ADGRV1: variants seen among roughly 807,000 people sequenced by gnomAD.
ADGRV1 encodes the protein adhesion G protein-coupled receptor V1, also known as G-protein coupled receptor 98.
ADGRV1 carries 359 observed loss-of-function variants against 596.2 expected under a neutral mutation model. The ratio of observed to expected loss-of-function variants is 0.60; its 90% CI spans 0.55 to 0.66. ADGRV1 has a LOEUF of 0.66. Among genes scored for constraint, ADGRV1 ranks in the 30% least tolerant of loss-of-function variants. The pLI, the probability that ADGRV1 is intolerant of heterozygous loss-of-function variation, is 0.00. For synonymous variants in ADGRV1, 2,681 were observed against 2,679.2 expected (o/e 1.00, Z -0.02); for missense variants, 7,274 against 7,575.6 (o/e 0.96, Z 1.48).
intron 84 of ADGRV1, among the ~76,000 whole-genome samples, chr5:90,972,174 G>C (rs1022479179): frequency 5.3e-5 from 8 of 152,148 alleles, no homozygotes; most frequent in Middle Eastern, 6.8e-3. Flanking sequence ...TATATGCACC[G>C]AATACAGGAG....
At chr5:91,058,787 C>G (rs754713435) in intron 85 of ADGRV1, among the ~76,000 whole-genome samples, 7 of 152,158 alleles carry the variant, frequency 4.6e-5, no homozygotes, top group Non-Finnish European at 1.0e-4. Context: ...AGTTTTCCTC[C>G]TTCCCCTCAT....
intron 70 of ADGRV1, among the ~76,000 whole-genome samples, chr5:90,794,638 T>A (rs1430388654): frequency 6.6e-6 from 1 of 152,118 alleles, no homozygotes; most frequent in African/African-American, 2.4e-5. Flanking sequence ...GTACCATAAA[T>A]CGTTTCTGTT....
chr5:90,757,825 A>T (rs527522921), intron 57 of ADGRV1, among the ~76,000 whole-genome samples: 1 of 152,228 alleles, frequency 6.6e-6, no homozygotes, highest in Non-Finnish European at 1.5e-5. Flanking sequence ...ATGAACAACC[A>T]TGAAAATGTT....
At chr5:90,690,685 C>T in intron 30 of ADGRV1, 112 bp from the exon 31 acceptor site, 1 of 1,084,108 alleles carries the variant, frequency 9.2e-7, no homozygotes, top group Non-Finnish European at 1.3e-6. Flanking sequence ...TGGGTTATAG[C>T]TACTTAGATT....
At chr5:90,685,422 A>C (rs542414851) in intron 28 of ADGRV1, among the ~76,000 whole-genome samples, 1 of 151,984 alleles carries the variant, frequency 6.6e-6, no homozygotes, top group African/African-American at 2.4e-5. Context: ...ATCTCTACTA[A>C]AATATAAAAG....
At chr5:90,894,385 A>G (rs1771104951) in intron 83 of ADGRV1, among the ~76,000 whole-genome samples, 1 of 152,134 alleles carries the variant, frequency 6.6e-6, no homozygotes, top group African/African-American at 2.4e-5. Flanking sequence ...GCAGAATTGG[A>G]TGTAATTTTA....
At chr5:90,857,135 C>T (rs1162377918) in intron 82 of ADGRV1, among the ~76,000 whole-genome samples, 1 of 152,014 alleles carries the variant, frequency 6.6e-6, no homozygotes, top group Non-Finnish European at 1.5e-5. Context: ...TAATATCTTT[C>T]ATAAAGGATG....
At chr5:90,600,623 A>C (rs1016738471) in intron 1 of ADGRV1, among the ~76,000 whole-genome samples, 1 of 152,226 alleles carries the variant, frequency 6.6e-6, no homozygotes, top group Admixed American at 6.5e-5. Context: ...GTACATGTGC[A>C]TGTGTCTTTA....
intron 85 of ADGRV1, among the ~76,000 whole-genome samples, chr5:91,010,998 T>G (rs1228667966): frequency 2.0e-5 from 3 of 151,974 alleles, no homozygotes; most frequent in Admixed American, 2.0e-4. Flanking sequence ...TGAATTCAAT[T>G]TATGTTACAA....
chr5:90,990,606 A>G (rs1488863016), intron 85 of ADGRV1, among the ~76,000 whole-genome samples: 1 of 152,154 alleles, frequency 6.6e-6, no homozygotes, highest in Non-Finnish European at 1.5e-5. Context: ...CCCTATTCCT[A>G]GTAGGCCATG....
In ADGRV1 at chr5:90,627,284, G is replaced by A. The variant is rs41303344; in HGVS notation, c.746G>A (p.Arg249Lys). 9.4e-3 allele frequency: 15,061 copies of A among 1,609,410 alleles called. 95 individuals are homozygous for A. The highest frequency in any genetic ancestry group is 0.011 in the Non-Finnish European group (13,244 of 1,176,966). The change falls in exon 7 of 90, where the codon AGG (arginine) becomes AAG (lysine). Residue 249 changes from arginine to lysine, a missense_variant. Coordinates refer to ENST00000405460, the MANE Select transcript of ADGRV1 (RefSeq NM_032119.4). Reference sequence around the variant, plus strand: ...GGAGGAGCTGAGATTAACACCTCTAGGAATTCCATTGAGATCATCATTAAG... The same window carrying A: ...GGAGGAGCTGAGATTAACACCTCTAAGAATTCCATTGAGATCATCATTAAG... ...VEGGAEINTSRNSIEIIIKKN... is the reference protein window; with the variant it reads ...VEGGAEINTSKNSIEIIIKKN...
intron 89 of ADGRV1, among the ~76,000 whole-genome samples, chr5:91,161,564 G>A (rs1796954589): frequency 7.5e-6 from 1 of 133,822 alleles, no homozygotes; most frequent in African/African-American, 2.7e-5. Flanking sequence ...GATGTGAAAT[G>A]TATTAATTGG....
At position 90,684,021 on chromosome 5, in the gene ADGRV1, G is replaced by A. The variant is rs745422038; in HGVS notation, c.6100G>A (p.Ala2034Thr). The change falls in exon 28 of 90, where the codon GCA (alanine) becomes ACA (threonine). Residue 2034 changes from alanine (A) to threonine (T), a missense_variant. This residue lies in a region of ADGRV1 where 3,643 missense variants were observed against 3,809.2 expected (regional missense o/e 0.96). Transcript: ENST00000405460. The part of the protein sequence containing the change: ...PPYFPPNLAR[A>T]TQGRDYIPAS... The stretch of plus-strand genomic sequence containing the variant: ...TTATTTTCCACCTAATTTAGCGAGA[G>A]CAACTCAAGGAAGAGACTATATACC... 2 of 1,613,768 alleles carry A rather than the reference G, an allele frequency of 1.2e-6. No individual in the cohort carries two copies. Among genetic ancestry groups the A allele is most frequent in the African/African-American group, 1.3e-5 (1 of 74,896 alleles).
chr5:90,805,282 A>C lies in ADGRV1; in HGVS notation c.14662-2A>C, dbSNP rs1761796594. The C allele has an allele frequency of 6.2e-7, 1 of 1,607,100 alleles. No individual in the cohort carries two copies. Among genetic ancestry groups the C allele is most frequent in the Non-Finnish European group, 8.5e-7 (1 of 1,174,404 alleles). ...AATACTCTAAGCATGATTTTCCCTC[A>C]GGTCGGATTTGAATCCACTGCTTTT... On this transcript the variant is annotated splice_acceptor_variant, in intron 71 of 89. Coordinates refer to ENST00000405460, the MANE Select transcript of ADGRV1 (RefSeq NM_032119.4). LOFTEE classifies it high-confidence loss of function.
At chr5:90,999,482 A>G (rs1781689985) in intron 85 of ADGRV1, among the ~76,000 whole-genome samples, 1 of 151,980 alleles carries the variant, frequency 6.6e-6, no homozygotes. Flanking sequence ...TTACTTTTTA[A>G]TGCAAAGTGC....
At chr5:90,630,862 G>C (rs1358936839) in intron 9 of ADGRV1, among the ~76,000 whole-genome samples, 1 of 151,942 alleles carries the variant, frequency 6.6e-6, no homozygotes, top group Non-Finnish European at 1.5e-5. Flanking sequence ...GTTGAATGTT[G>C]AGTTTAGCTA....
rs528549638 is a variant in ADGRV1, at chr5:90,941,842, T to A, written c.17857-23573T>A. 4.7e-4 allele frequency among the ~76,000 whole-genome samples: 72 copies of A among 152,360 alleles called. 1 individual carries two copies. Among genetic ancestry groups the A allele is most frequent in the African/African-American group, 1.5e-3 (62 of 41,580 alleles). Reference sequence around the variant, plus strand: ...GACTTTGGAAGTCAATATGTGATGATACAATTGATTTTAAATTTTCCGTGG... The same window carrying A: ...GACTTTGGAAGTCAATATGTGATGAAACAATTGATTTTAAATTTTCCGTGG... On this transcript the variant is annotated intron_variant, in intron 83 of 89. Transcript: ENST00000405460.
chr5:91,040,076 C>T (rs1174473806), intron 85 of ADGRV1, among the ~76,000 whole-genome samples: 1 of 151,926 alleles, frequency 6.6e-6, no homozygotes, highest in Non-Finnish European at 1.5e-5. Flanking sequence ...CAAAATAAAG[C>T]CCTTTGAGGA....
At chr5:90,707,590 T>C (rs1445217659) in intron 38 of ADGRV1, among the ~76,000 whole-genome samples, 1 of 152,156 alleles carries the variant, frequency 6.6e-6, no homozygotes, top group Non-Finnish European at 1.5e-5. Flanking sequence ...TATGTCAGTA[T>C]ATGGGATATA....
Sources: allele counts gnomAD v4.1 joint callset (sites outside exome capture counted in the v4.1 genomes callset), GRCh38; gene constraint gnomAD v4.1.1; regional missense constraint gnomAD v4.1.1; transcripts MANE v1.5; gene names NCBI Gene and HGNC (gene_info 2026-07-23, HGNC 2026-07-21).